FOXP4: variants seen among roughly 807,000 people sequenced by gnomAD.
FOXP4 encodes forkhead box protein P4.
In FOXP4, 25 loss-of-function variants were observed where a neutral mutation model predicts 82.6. The ratio of observed to expected loss-of-function variants is 0.30; its 90% CI spans 0.22 to 0.42. The LOEUF (loss-of-function observed/expected upper bound fraction) is 0.42. Among genes scored for constraint, FOXP4 ranks in the 10% least tolerant of loss-of-function variants. FOXP4 has a pLI of 1.00. For missense variants in FOXP4, 785 were observed against 900.9 expected, an observed-to-expected ratio of 0.87 and a Z score of 1.65; for synonymous variants, 415 against 388.2, an observed-to-expected ratio of 1.07 and a Z score of -0.81.
At chr6:41,589,079 G>A (rs1766337133) in intron 9 of FOXP4, among the ~76,000 whole-genome samples, 1 of 152,236 alleles carries the variant, frequency 6.6e-6, no homozygotes, top group South Asian at 2.1e-4. Context: ...ACAACCTTAT[G>A]TGGTGGGTAC....
At position 41,598,946 on chromosome 6, in the gene FOXP4, G is replaced by C. The variant is rs762181811; in HGVS notation, c.*10G>C. ...AGAAGAACTGTCCTAAGGGCCTGTA[G>C]TGACCGGCAGGGCTGGGGTGAGACC... is the stretch of plus-strand genomic sequence containing the variant. On this transcript the variant is annotated 3_prime_UTR_variant, in exon 17 of 17. Coordinates refer to ENST00000307972, the MANE Select transcript of FOXP4 (RefSeq NM_001012426.2). 2 of 1,580,116 alleles carry C rather than the reference G, an allele frequency of 1.3e-6. No individual in the cohort carries two copies. Among genetic ancestry groups the C allele is most frequent in the Non-Finnish European group, 1.7e-6 (2 of 1,165,910 alleles).
chr6:41,556,536 G>A (rs538495039), intron 1 of FOXP4, among the ~76,000 whole-genome samples: 8 of 152,264 alleles, frequency 5.3e-5, no homozygotes, highest in African/African-American at 1.9e-4. Flanking sequence ...ATGTTAGCCA[G>A]GATGGTCTCG....
chr6:41,568,847 G>A (rs191422901), intron 2 of FOXP4, among the ~76,000 whole-genome samples: 4 of 152,230 alleles, frequency 2.6e-5, no homozygotes, highest in African/African-American at 9.6e-5. Context: ...AGTCAGGCCT[G>A]TTACAGGACT....
rs989598597 is a variant in FOXP4, at chr6:41,599,638, C to G, written c.*702C>G. 1 of 152,332 alleles carries G rather than the reference C, an allele frequency of 6.6e-6. No homozygotes were observed. Among genetic ancestry groups the G allele is most frequent in the African/African-American group, 2.4e-5 (1 of 41,426 alleles). The allele number at this position is 152,332 out of a possible 1,614,324, so 9.4% of individuals were successfully genotyped here. On this transcript the variant is annotated 3_prime_UTR_variant, in exon 17 of 17. Transcript: ENST00000307972. ...CACCCCCACCCCCGTTTGCTGGGGG[C>G]TCCTCCAGCCGCCCCCATGGGAAGA...
intron 13 of FOXP4, among the ~76,000 whole-genome samples, chr6:41,592,771 C>G (rs1459692667): frequency 2.6e-5 from 4 of 152,118 alleles, no homozygotes; most frequent in Non-Finnish European, 4.4e-5. Flanking sequence ...CTCTTGAGGT[C>G]AGGTTAGGTG....
In FOXP4 at chr6:41,596,001, G is replaced by A. The variant is rs576842006; in HGVS notation, c.1658+1010G>A. Among the ~76,000 whole-genome samples, 10 of 152,274 alleles carry A rather than the reference G, an allele frequency of 6.6e-5. 1 individual carries two copies. The highest frequency in any genetic ancestry group is 5.9e-5 in the Non-Finnish European group (4 of 68,016). On this transcript the variant is annotated intron_variant, in intron 14 of 16. Transcript: ENST00000307972. ...CAACCTCCACCTTGTGGGTTCAAGC[G>A]ATTCTCCTGCCTTAGCCTCCCGAGA...
At chr6:41,598,022 C>T (rs1434381608) in intron 16 of FOXP4, 72 bp downstream of exon 16, 1 of 1,317,436 alleles carries the variant, frequency 7.6e-7, no homozygotes, top group Non-Finnish European at 1.0e-6. Context: ...TCATCCCCCA[C>T]CCTGGGTGGG....
At chr6:41,553,753 C>T (rs1165593967) in intron 1 of FOXP4, among the ~76,000 whole-genome samples, 1 of 152,182 alleles carries the variant, frequency 6.6e-6, no homozygotes, top group South Asian at 2.1e-4. Context: ...TAGAGAAGGA[C>T]CAAGCTAGGG....
rs1764404401 is a variant in FOXP4, at chr6:41,558,529, A to G, written c.-16-7216A>G. Among the ~76,000 whole-genome samples, 1 of 152,220 alleles carries G rather than the reference A, an allele frequency of 6.6e-6. No homozygotes were observed. The highest frequency in any genetic ancestry group is 2.4e-5 in the African/African-American group (1 of 41,452). ...AACCCTGGAAGGAAGGTGTACTGGCATTGGCCCCACATTACAGATAAGGAA... is the reference window on the plus strand; with the variant it reads ...AACCCTGGAAGGAAGGTGTACTGGCGTTGGCCCCACATTACAGATAAGGAA... On this transcript the variant is annotated intron_variant, in intron 1 of 16. Coordinates refer to ENST00000307972, the MANE Select transcript of FOXP4 (RefSeq NM_001012426.2). This position sits in a 1 kb window ranked among gnomAD's most constrained non-coding sequence, Gnocchi z 4.0.
In FOXP4 at chr6:41,587,807, A is replaced by G; in HGVS notation, c.887A>G (p.Glu296Gly). The change falls in exon 8 of 17, where the codon GAG becomes GGG. Residue 296 changes from glutamate to glycine, a missense_variant. Transcript: ENST00000307972. ...TGTCCTCCCAGCTCTTCCCACGAGG[A>G]GACCCCCGGCTCCCACCCCCTGTAC... ...TSRRDSSSHE[E>G]TPGSHPLYGH... The G allele has an allele frequency of 6.4e-7, 1 of 1,564,710 alleles. No homozygotes were observed. The highest frequency in any genetic ancestry group is 8.7e-7 in the Non-Finnish European group (1 of 1,153,144).
At chr6:41,573,942 T>C (rs1765336545) in intron 2 of FOXP4, among the ~76,000 whole-genome samples, 1 of 151,970 alleles carries the variant, frequency 6.6e-6, no homozygotes, top group South Asian at 2.1e-4. Context: ...GTCCAAGGGG[T>C]AGAAGGAGGA....
At chr6:41,564,630 A>G (rs180828448) in intron 1 of FOXP4, among the ~76,000 whole-genome samples, 30 of 152,214 alleles carry the variant, frequency 2.0e-4, no homozygotes, top group Admixed American at 1.3e-4. Flanking sequence ...TGCCTTGGGT[A>G]TGTAACCTAA....
rs548661638 is a variant in FOXP4, at chr6:41,591,997, G to T, written c.1536+675G>T. ...TTTTCTATAGCCAAAAGGGGGGTGT[G>T]TGTGTGTGTCTGTCTGTCTGTCTCA... On this transcript the variant is annotated intron_variant, in intron 13 of 16. Coordinates refer to ENST00000307972, the MANE Select transcript of FOXP4 (RefSeq NM_001012426.2). The surrounding 1 kb of genome is among the most constrained non-coding windows in gnomAD (Gnocchi z 4.2). Among the ~76,000 whole-genome samples the T allele has an allele frequency of 2.0e-5, 3 of 152,090 alleles. No homozygotes were observed. The East Asian group carries it at 5.8e-4, about 29-fold the overall frequency.
chr6:41,566,054 C>A, intron 2 of FOXP4, 90 bp downstream of exon 2: 1 of 1,346,884 alleles, frequency 7.4e-7, no homozygotes, highest in Non-Finnish European at 1.0e-6. Context: ...AGCACCACTC[C>A]CTGCCAGGCA....
chr6:41,598,529 TTTC>T (rs1170388342), intron 16 of FOXP4, among the ~76,000 whole-genome samples: 8 of 152,176 alleles, frequency 5.3e-5, no homozygotes, highest in Non-Finnish European at 1.0e-4. Context: ...CTCTTCTATC[TTTC>T]TTCTCCTTCC....
In FOXP4 at chr6:41,590,061, A is replaced by G; in HGVS notation, c.1248A>G (p.Ala416=). The change falls in exon 11 of 17, where the codon GCA becomes GCG. Residue 416 remains alanine (A), a synonymous_variant. Coordinates refer to ENST00000307972, the MANE Select transcript of FOXP4 (RefSeq NM_001012426.2). Reference sequence around the variant, plus strand: ...TCGTGCACCCCCCGACCTCGGCCGCAGCCCCTGTCACCCCTCTACGGCCCC... The same window carrying G: ...TCGTGCACCCCCCGACCTCGGCCGCGGCCCCTGTCACCCCTCTACGGCCCC... ...DGLVHPPTSA[A]APVTPLRPPG... The G allele has an allele frequency of 6.2e-7, 1 of 1,613,874 alleles. No homozygotes were observed. The highest frequency in any genetic ancestry group is 2.2e-5 in the East Asian group (1 of 44,872).
At position 41,599,128 on chromosome 6, in the gene FOXP4, G is replaced by A. The variant is rs1442233762; in HGVS notation, c.*192G>A. The A allele has an allele frequency of 2.9e-6, 2 of 693,550 alleles. No homozygotes were observed. Among genetic ancestry groups the A allele is most frequent in the East Asian group, 2.9e-5 (1 of 34,396 alleles). 43.0% of individuals were successfully genotyped at this position (693,550 alleles called of 1,614,324 possible). ...GGGCAGGGACGGTCCCCACCCCCAG[G>A]GACACAACCCCTGGTCTTGGACCAG... On this transcript the variant is annotated 3_prime_UTR_variant, in exon 17 of 17. Transcript: ENST00000307972.
At chr6:41,574,823 G>A (rs114979077) in intron 2 of FOXP4, among the ~76,000 whole-genome samples, 188 of 152,284 alleles carry the variant, frequency 1.2e-3, no homozygotes, top group Non-Finnish European at 2.1e-3. Context: ...TTCAGATGGC[G>A]AGACTCCAGT....
At chr6:41,575,197 T>C (rs1765408597) in intron 2 of FOXP4, among the ~76,000 whole-genome samples, 1 of 152,188 alleles carries the variant, frequency 6.6e-6, no homozygotes, top group Non-Finnish European at 1.5e-5. Flanking sequence ...CTTGATCTCC[T>C]GACCTCATGA....
Sources: gnomAD v4.1 joint callset for allele counts (sites outside exome capture counted in the v4.1 genomes callset) on GRCh38, gnomAD v4.1.1 for gene constraint, Gnocchi (gnomAD v3.1) non-coding constraint, MANE v1.5 for transcripts, NCBI Gene and HGNC (gene_info 2026-07-23, HGNC 2026-07-21) for gene names.